MOB3B: variants seen among roughly 807,000 people sequenced by gnomAD.
MOB3B encodes MOB kinase activator-like 2B.
A neutral mutation model predicts 18.7 loss-of-function variants in MOB3B; 7 were observed. The observed-to-expected ratio is 0.37, with a 90% confidence interval of 0.21 to 0.70. The LOEUF is 0.70. MOB3B is among the 30% of genes least tolerant of loss of function. MOB3B has a pLI of 0.52. For missense variants in MOB3B, 253 were observed against 281.3 expected (o/e 0.90, Z 0.72); for synonymous variants, 111 against 99.9 (o/e 1.11, Z -0.66).
At chr9:27,470,309 C>T (rs1366470368) in intron 1 of MOB3B, among the ~76,000 whole-genome samples, 1 of 152,024 alleles carries the variant, frequency 6.6e-6, no homozygotes. Context: ...TTATTTATCT[C>T]TTCTGCAGCT....
chr9:27,429,765 C>T (rs1220318725), intron 2 of MOB3B, among the ~76,000 whole-genome samples: 1 of 152,166 alleles, frequency 6.6e-6, no homozygotes, highest in African/African-American at 2.4e-5. Flanking sequence ...AGTTACCATT[C>T]AAGGTCACGA....
intron 1 of MOB3B, among the ~76,000 whole-genome samples, chr9:27,527,687 C>A (rs775279930): frequency 5.3e-5 from 8 of 152,174 alleles, no homozygotes; most frequent in Non-Finnish European, 1.0e-4. Context: ...CATTGGGGAT[C>A]CCACAGGAAA....
chr9:27,508,137 C>A (rs529895411), intron 1 of MOB3B, among the ~76,000 whole-genome samples: 2 of 152,128 alleles, frequency 1.3e-5, no homozygotes, highest in Non-Finnish European at 2.9e-5. Flanking sequence ...CTCTGTGATA[C>A]GTACTCAGGA....
At chr9:27,369,697 GATCCTCTTTCTCA>G (rs1821386151) in intron 2 of MOB3B, among the ~76,000 whole-genome samples, 2 of 152,156 alleles carry the variant, frequency 1.3e-5, no homozygotes, top group Non-Finnish European at 2.9e-5. Flanking sequence ...CTGAAGCTAC[GATCCTCTTTCTCA>G]CTTGCTTCTG....
chr9:27,468,402 G>C (rs1819417594), intron 1 of MOB3B, among the ~76,000 whole-genome samples: 1 of 152,174 alleles, frequency 6.6e-6, no homozygotes, highest in Non-Finnish European at 1.5e-5. Context: ...TATCCACTCA[G>C]ATAAGGCCTC....
At chr9:27,475,687 C>T (rs1451868319) in intron 1 of MOB3B, among the ~76,000 whole-genome samples, 2 of 152,214 alleles carry the variant, frequency 1.3e-5, no homozygotes, top group Non-Finnish European at 2.9e-5. Flanking sequence ...CCTGTAAACT[C>T]CAGATAAGCT....
At chr9:27,346,044 G>A (rs1821027145) in intron 3 of MOB3B, among the ~76,000 whole-genome samples, 1 of 152,182 alleles carries the variant, frequency 6.6e-6, no homozygotes. Flanking sequence ...AAGAGGTGGG[G>A]CCTTTTGGGA....
intron 1 of MOB3B, among the ~76,000 whole-genome samples, chr9:27,521,441 A>G (rs1293030194): frequency 1.3e-5 from 2 of 152,202 alleles, no homozygotes; most frequent in East Asian, 3.9e-4. Context: ...AACTGTCTCA[A>G]ACTAGTGAAA....
At chr9:27,356,591 T>C (rs1821193188) in intron 3 of MOB3B, among the ~76,000 whole-genome samples, 4 of 152,378 alleles carry the variant, frequency 2.6e-5, no homozygotes, top group Admixed American at 2.6e-4. Flanking sequence ...AAATTGACTT[T>C]CAGCTCTGTC....
At chr9:27,522,801 C>G (rs1383968293) in intron 1 of MOB3B, among the ~76,000 whole-genome samples, 4 of 152,074 alleles carry the variant, frequency 2.6e-5, no homozygotes, top group Admixed American at 1.3e-4. Flanking sequence ...AAGGTTGTGT[C>G]AATTTATAAC....
chr9:27,516,454 T>C (rs1193295633), intron 1 of MOB3B, among the ~76,000 whole-genome samples: 1 of 152,228 alleles, frequency 6.6e-6, no homozygotes, highest in East Asian at 1.9e-4. Flanking sequence ...AATGAATTAA[T>C]TCTTCTTTCT....
chr9:27,332,116 C>T (rs1405053015), intron 3 of MOB3B, among the ~76,000 whole-genome samples: 1 of 152,200 alleles, frequency 6.6e-6, no homozygotes, highest in East Asian at 1.9e-4. Context: ...CCTCAGACTC[C>T]TGAGTAGCTG....
intron 3 of MOB3B, among the ~76,000 whole-genome samples, chr9:27,343,442 CTCTCCGAGAAA>C (rs1820983609): frequency 6.8e-6 from 1 of 146,860 alleles, no homozygotes; most frequent in Non-Finnish European, 1.5e-5. Flanking sequence ...CCAAATCCCC[CTCTCCGAGAAA>C]CACCCAAGAA....
At chr9:27,503,898 C>T (rs1364086002) in intron 1 of MOB3B, among the ~76,000 whole-genome samples, 1 of 152,184 alleles carries the variant, frequency 6.6e-6, no homozygotes. Flanking sequence ...TGCCTTAACT[C>T]GGGACCACTC....
chr9:27,354,587 C>G (rs534761989), intron 3 of MOB3B, among the ~76,000 whole-genome samples: 3 of 152,262 alleles, frequency 2.0e-5, no homozygotes, highest in African/African-American at 7.2e-5. Flanking sequence ...CATGCATGTT[C>G]TGAGATAAGG....
At chr9:27,357,507 C>T (rs1031770828) in intron 3 of MOB3B, among the ~76,000 whole-genome samples, 8 of 151,916 alleles carry the variant, frequency 5.3e-5, no homozygotes, top group Non-Finnish European at 1.2e-4. Flanking sequence ...AGGAATAACC[C>T]CTAGGCTCCA....
At chr9:27,439,449 T>G (rs1822562497) in intron 2 of MOB3B, among the ~76,000 whole-genome samples, 3 of 152,230 alleles carry the variant, frequency 2.0e-5, no homozygotes, top group African/African-American at 7.2e-5. Flanking sequence ...AAACACAAAT[T>G]ATTGAACCAT....
chr9:27,431,486 G>T (rs988936867), intron 2 of MOB3B, among the ~76,000 whole-genome samples: 3 of 152,214 alleles, frequency 2.0e-5, no homozygotes, highest in Admixed American at 2.0e-4. Flanking sequence ...CTTCTAGAAA[G>T]ACAAAGCCTT....
At chr9:27,397,141 A>G (rs1281051730) in intron 2 of MOB3B, 2 of 152,210 alleles carry the variant, frequency 1.3e-5, no homozygotes, top group Non-Finnish European at 2.9e-5. Context: ...AAGTTGGGGA[A>G]GAGGGAAAAT....
Sources: allele counts gnomAD v4.1 joint callset (sites outside exome capture counted in the v4.1 genomes callset), GRCh38; gene constraint gnomAD v4.1.1; transcripts MANE v1.5; gene names NCBI Gene and HGNC (gene_info 2026-07-23, HGNC 2026-07-21).